Variants in COBL observed in about 807,000 individuals in gnomAD.
COBL encodes the protein protein cordon-bleu.
A neutral mutation model predicts 98.8 loss-of-function variants in COBL; 51 were observed. That is an observed-to-expected ratio of 0.52 (90% CI 0.41 to 0.65). The LOEUF (loss-of-function observed/expected upper bound fraction) is 0.65, where lower values mean the gene tolerates loss of function less well. Among genes scored for constraint, COBL ranks in the 30% least tolerant of loss-of-function variants. The probability of loss-of-function intolerance (pLI) is 0.00; values close to 1 mark genes in which losing one functional copy is unlikely to be tolerated. For missense variants in COBL, 1,617 were observed against 1,617.5 expected, an observed-to-expected ratio of 1.00 and a Z score of 0.01; for synonymous variants, 634 against 651.7, an observed-to-expected ratio of 0.97 and a Z score of 0.41.
At chr7:51,281,987 G>A (rs1799858194) in intron 1 of COBL, among the ~76,000 whole-genome samples, 1 of 152,030 alleles carries the variant, frequency 6.6e-6, no homozygotes, top group Non-Finnish European at 1.5e-5. Context: ...ATTCTAAGGA[G>A]ACTGTGAGAA....
At chr7:51,090,634 C>T (rs549007687) in intron 6 of COBL, among the ~76,000 whole-genome samples, 3 of 152,232 alleles carry the variant, frequency 2.0e-5, no homozygotes, top group African/African-American at 2.4e-5. Context: ...CAGCAGAGAT[C>T]TGCCAGTGCC....
rs1368196777 is a variant in COBL, at chr7:51,294,325, TAAATAA to T, written c.41+22262_41+22267del. Among the ~76,000 whole-genome samples the T allele has an allele frequency of 3.2e-3, 466 of 146,098 alleles. 2 individuals carry two copies. The highest frequency in any genetic ancestry group is 0.018 in the East Asian group (91 of 5,040). On this transcript the variant is annotated intron_variant, in intron 1 of 12. Coordinates refer to ENST00000265136, the MANE Select transcript of COBL (RefSeq NM_015198.5). ...ATAAATAAATAAATAAATAAATAAATAAATAAAAATAAATAAATAAATAAAAGGCAG... is the reference window on the plus strand; with the variant it reads ...ATAAATAAATAAATAAATAAATAAATAAATAAATAAATAAATAAAAGGCAG...
intron 5 of COBL, among the ~76,000 whole-genome samples, chr7:51,144,748 A>G (rs1030502266): frequency 1.3e-5 from 2 of 152,030 alleles, no homozygotes; most frequent in African/African-American, 4.8e-5. Context: ...TTGCTTTTAG[A>G]CTCTATGGAT....
At chr7:51,254,801 T>G (rs975586944) in intron 1 of COBL, among the ~76,000 whole-genome samples, 2 of 152,184 alleles carry the variant, frequency 1.3e-5, no homozygotes, top group East Asian at 1.9e-4. Context: ...GTGAAAAACA[T>G]CAACCCTTGG....
chr7:51,150,924 T>C (rs1335023548), intron 5 of COBL, among the ~76,000 whole-genome samples: 1 of 152,210 alleles, frequency 6.6e-6, no homozygotes, highest in Non-Finnish European at 1.5e-5. Context: ...CAGTTGGTTC[T>C]TTCTAGTCGC....
chr7:51,221,526 A>G (rs1793637147), intron 1 of COBL, among the ~76,000 whole-genome samples: 1 of 152,226 alleles, frequency 6.6e-6, no homozygotes, highest in Non-Finnish European at 1.5e-5. Flanking sequence ...CTAAAAGTAT[A>G]TTGTTTTATG....
At chr7:51,205,277 A>G (rs1791560902) in intron 2 of COBL, among the ~76,000 whole-genome samples, 1 of 152,244 alleles carries the variant, frequency 6.6e-6, no homozygotes, top group African/African-American at 2.4e-5. Context: ...TTACACAGCT[A>G]TAGTGTACAA....
intron 1 of COBL, among the ~76,000 whole-genome samples, chr7:51,266,526 C>T (rs1296396857): frequency 2.0e-5 from 3 of 152,098 alleles, no homozygotes; most frequent in Admixed American, 6.5e-5. Context: ...TGCGGTGAGC[C>T]AAGATCGCAC....
At chr7:51,192,678 G>C (rs555227902) in intron 3 of COBL, among the ~76,000 whole-genome samples, 1 of 152,236 alleles carries the variant, frequency 6.6e-6, no homozygotes, top group South Asian at 2.1e-4. Context: ...ATAAACAAAA[G>C]CCTGGAATAT....
At chr7:51,283,011 G>T (rs921695133) in intron 1 of COBL, among the ~76,000 whole-genome samples, 3 of 152,026 alleles carry the variant, frequency 2.0e-5, no homozygotes, top group Admixed American at 2.0e-4. Context: ...CATGACTGGT[G>T]GGATGATGAT....
intron 6 of COBL, among the ~76,000 whole-genome samples, chr7:51,091,161 C>A (rs953192336): frequency 3.3e-5 from 5 of 151,796 alleles, no homozygotes; most frequent in African/African-American, 1.2e-4. Flanking sequence ...GAAACATGGC[C>A]CAATTAAAGG....
chr7:51,187,878 T>A, intron 4 of COBL: 1 of 1,229,158 alleles, frequency 8.1e-7, no homozygotes. Flanking sequence ...TAGTGCAGCC[T>A]CACAGCGGGA....
At chr7:51,128,617 C>T (rs529011122) in intron 6 of COBL, among the ~76,000 whole-genome samples, 1 of 152,214 alleles carries the variant, frequency 6.6e-6, no homozygotes, top group South Asian at 2.1e-4. Flanking sequence ...AAAGCAGAAG[C>T]TCGGCCGCTC....
intron 1 of COBL, among the ~76,000 whole-genome samples, chr7:51,305,922 G>C (rs535589033): frequency 6.6e-6 from 1 of 152,270 alleles, no homozygotes; most frequent in Non-Finnish European, 1.5e-5. Context: ...TGTAATCCCA[G>C]CTACTCAGGA....
intron 5 of COBL, among the ~76,000 whole-genome samples, chr7:51,178,814 G>A (rs550523062): frequency 1.3e-5 from 2 of 152,242 alleles, no homozygotes; most frequent in African/African-American, 4.8e-5. Context: ...TCTCCAAGCT[G>A]GTCAGGCTGG....
intron 1 of COBL, among the ~76,000 whole-genome samples, chr7:51,269,769 A>G (rs1302871359): frequency 6.6e-6 from 1 of 152,232 alleles, no homozygotes. Flanking sequence ...TAGTTTTCTC[A>G]GCCTCAATTA....
chr7:51,205,747 G>T (rs1329086725), intron 2 of COBL, among the ~76,000 whole-genome samples: 3 of 151,404 alleles, frequency 2.0e-5, no homozygotes, highest in African/African-American at 7.3e-5. Flanking sequence ...TTTCTGTCCA[G>T]CAAAGGAACA....
chr7:51,063,882 A>G (rs1791635834), intron 7 of COBL, among the ~76,000 whole-genome samples: 1 of 152,254 alleles, frequency 6.6e-6, no homozygotes. Flanking sequence ...TAATTCTCAA[A>G]AGCACTTTTT....
intron 6 of COBL, among the ~76,000 whole-genome samples, chr7:51,108,124 T>C (rs906899236): frequency 6.6e-6 from 1 of 152,212 alleles, no homozygotes; most frequent in Admixed American, 6.5e-5. Flanking sequence ...CCTCCAGCAC[T>C]CCTAACTCTG....
Sources: gnomAD v4.1 joint callset for allele counts (sites outside exome capture counted in the v4.1 genomes callset) on GRCh38, gnomAD v4.1.1 for gene constraint, MANE v1.5 for transcripts, NCBI Gene and HGNC (gene_info 2026-07-23, HGNC 2026-07-21) for gene names.